The following ZNF16 variants were observed in gnomAD, a reference collection of about 807,000 sequenced individuals.
ZNF16 encodes the protein zinc finger protein 16.
Under a neutral mutation model 9.0 loss-of-function variants are expected in ZNF16, and 7 were observed. That is an observed-to-expected ratio of 0.78 (90% CI 0.44 to 1.47). The LOEUF is 1.47. ZNF16 is among the 40% of genes most tolerant of loss of function. ZNF16 has a pLI of 0.01. For missense variants in ZNF16, 830 were observed against 854.2 expected, an observed-to-expected ratio of 0.97 and a Z score of 0.35; for synonymous variants, 312 against 301.5, an observed-to-expected ratio of 1.03 and a Z score of -0.36.
intron 2 of ZNF16, chr8:144,945,012 G>A (rs1208036664): frequency 6.6e-6 from 1 of 152,126 alleles, no homozygotes; most frequent in African/African-American, 2.4e-5. Flanking sequence ...TGAGCCTAGA[G>A]ATTAGACAGA....
In ZNF16 at chr8:144,950,803, G is replaced by A. The variant is rs530080717; in HGVS notation, c.-16C>T. ...GGAGCTTCGCGGAACTAACCTCAACGGGTCGCGCTTGGAAAGGAGGCAGCA... is the reference window on the plus strand; with the variant it reads ...GGAGCTTCGCGGAACTAACCTCAACAGGTCGCGCTTGGAAAGGAGGCAGCA... On this transcript the variant is annotated 5_prime_UTR_variant, in exon 1 of 3. Transcript: ENST00000394909. 1.4e-4 allele frequency: 22 copies of A among 152,322 alleles called. No homozygotes were observed. Among genetic ancestry groups the A allele is most frequent in the African/African-American group, 5.1e-4 (21 of 41,578 alleles). 9.4% of individuals were successfully genotyped at this position (152,322 alleles called of 1,614,324 possible). A position where few individuals can be genotyped will look rare whatever the true frequency, so the allele number is the denominator to read the frequency against.
intron 1 of ZNF16, among the ~76,000 whole-genome samples, chr8:144,947,016 A>ATTCTGCTGTTGGGCCTGTG (rs1833968403): frequency 4.8e-5 from 2 of 41,566 alleles, no homozygotes; most frequent in African/African-American, 2.4e-4. Context: ...GTGGGCCTGT[A>ATTCTGCTGTTGGGCCTGTG]TCCTGCTGTT....
At chr8:144,945,726 T>G in intron 2 of ZNF16, 1 of 332,114 alleles carries the variant, frequency 3.0e-6, no homozygotes. Flanking sequence ...GCCTGGTTGT[T>G]GAATTGGGAA....
chr8:144,950,435 G>A (rs1194606595), intron 1 of ZNF16: 4 of 152,172 alleles, frequency 2.6e-5, no homozygotes, highest in East Asian at 3.9e-4. Context: ...GGAAGGGCAG[G>A]CCACCCCTTC....
At chr8:144,947,764 T>C (rs1833999668) in intron 1 of ZNF16, among the ~76,000 whole-genome samples, 1 of 152,140 alleles carries the variant, frequency 6.6e-6, no homozygotes, top group African/African-American at 2.4e-5. Context: ...TCAACACCCT[T>C]GTTAAGATTC....
At chr8:144,945,907 CCCTA>C in intron 2 of ZNF16, 100 bp downstream of exon 2, 1 of 1,514,692 alleles carries the variant, frequency 6.6e-7, no homozygotes, top group Non-Finnish European at 8.9e-7. Flanking sequence ...CCGTCACCCT[CCCTA>C]CCTGTGATGA....
intron 2 of ZNF16, among the ~76,000 whole-genome samples, chr8:144,934,813 C>T (rs965423560): frequency 6.6e-6 from 1 of 152,168 alleles, no homozygotes; most frequent in Non-Finnish European, 1.5e-5. Context: ...ACATACATTA[C>T]GGCTGTATGA....
chr8:144,941,862 G>A (rs890469954), intron 2 of ZNF16, among the ~76,000 whole-genome samples: 1 of 150,626 alleles, frequency 6.6e-6, no homozygotes, highest in African/African-American at 2.4e-5. Flanking sequence ...GTTTCACTGT[G>A]TTGGCCAGGA....
intron 2 of ZNF16, chr8:144,944,436 C>G (rs977250369): frequency 7.0e-6 from 1 of 142,088 alleles, no homozygotes; most frequent in Non-Finnish European, 1.5e-5. Flanking sequence ...GGGTTACAGG[C>G]GTGAGCCACC....
intron 1 of ZNF16, among the ~76,000 whole-genome samples, chr8:144,946,597 ATCCTGCTGTTGGGCTTGTGT>A: frequency 1.2e-5 from 1 of 81,662 alleles, no homozygotes; most frequent in African/African-American, 5.0e-5. Context: ...GTGGGTCTGT[ATCCTGCTGTTGGGCTTGTGT>A]CCTGCTGTTG....
chr8:144,933,880 C>A lies in ZNF16; in HGVS notation c.197-1290G>T, dbSNP rs772897290. 4.6e-5 allele frequency among the ~76,000 whole-genome samples: 7 copies of A among 152,152 alleles called. No homozygotes were observed. Among genetic ancestry groups the A allele is most frequent in the Non-Finnish European group, 7.4e-5 (5 of 68,024 alleles). On this transcript the variant is annotated intron_variant, in intron 2 of 2. Transcript: ENST00000394909. The surrounding 1 kb of genome is among the most constrained non-coding windows in gnomAD (Gnocchi z 5.6). ...GCACCCCACCTACTTTCCTTGCCCCCACCCTGGCTGTCACCCACAGCCTGG... is the reference window on the plus strand; with the variant it reads ...GCACCCCACCTACTTTCCTTGCCCCAACCCTGGCTGTCACCCACAGCCTGG...
In ZNF16 at chr8:144,932,133, G is replaced by A. The variant is rs1833566021; in HGVS notation, c.654C>T (p.Phe218=). ...PLICNECGKT[F]QGNPDLIQRQ... ...GCTGAATAAGGTCAGGATTTCCTTG[G>A]AAGGTTTTCCCACACTCATTACATA... The change falls in exon 3 of 3, where the codon TTC becomes TTT. Residue 218 remains phenylalanine, a synonymous_variant. Transcript: ENST00000394909. The surrounding 1 kb of genome is among the most constrained non-coding windows in gnomAD (Gnocchi z 5.0). The A allele has an allele frequency of 4.3e-6, 7 of 1,614,064 alleles. No homozygotes were observed. The highest frequency in any genetic ancestry group is 1.3e-5 in the African/African-American group (1 of 74,934).
intron 2 of ZNF16, among the ~76,000 whole-genome samples, chr8:144,935,463 C>T (rs187250306): frequency 6.6e-6 from 1 of 151,560 alleles, no homozygotes; most frequent in African/African-American, 2.4e-5. Context: ...GCCTCGGCCT[C>T]CCAGACTGCT....
chr8:144,937,349 T>C (rs1833710166), intron 2 of ZNF16, among the ~76,000 whole-genome samples: 1 of 152,060 alleles, frequency 6.6e-6, no homozygotes, highest in Non-Finnish European at 1.5e-5. Flanking sequence ...TTGGCCAGGC[T>C]GGTCTCAAAC....
At chr8:144,949,869 C>A (rs1039758435) in intron 1 of ZNF16, among the ~76,000 whole-genome samples, 37 of 152,166 alleles carry the variant, frequency 2.4e-4, no homozygotes, top group African/African-American at 8.7e-4. Context: ...CCCAGCCCAA[C>A]GCCCGTAAAG....
In ZNF16 at chr8:144,949,870, G is replaced by A. The variant is rs117934506; in HGVS notation, c.-10+927C>T. Among the ~76,000 whole-genome samples, 561 of 152,266 alleles carry A rather than the reference G, an allele frequency of 3.7e-3. 2 individuals carry two copies. The highest frequency in any genetic ancestry group is 0.034 in the Middle Eastern group (10 of 294). The stretch of plus-strand genomic sequence containing the variant: ...AGACCTGACCGTCCCCCAGCCCAAC[G>A]CCCGTAAAGGGTCTGTGTTGAGGTG... On this transcript the variant is annotated intron_variant, in intron 1 of 2. Coordinates refer to ENST00000394909, the MANE Select transcript of ZNF16 (RefSeq NM_006958.3).
chr8:144,945,890 G>A (rs756261398), intron 2 of ZNF16, 121 bp downstream of exon 2: 1 of 1,476,228 alleles, frequency 6.8e-7, no homozygotes, highest in African/African-American at 1.4e-5. Flanking sequence ...CCTTGAGTCA[G>A]AGTACCCCGT....
At chr8:144,949,825 A>G (rs569520137) in intron 1 of ZNF16, among the ~76,000 whole-genome samples, 11 of 152,302 alleles carry the variant, frequency 7.2e-5, no homozygotes, top group Middle Eastern at 3.4e-3. Context: ...AGTCTGAAAT[A>G]TGGCCTCATG....
At chr8:144,950,234 C>T (rs1415512734) in intron 1 of ZNF16, among the ~76,000 whole-genome samples, 4 of 152,202 alleles carry the variant, frequency 2.6e-5, no homozygotes, top group African/African-American at 4.8e-5. Flanking sequence ...CCCTGCTCTC[C>T]TACTGCATTC....
Sources: gnomAD v4.1 joint callset for allele counts (sites outside exome capture counted in the v4.1 genomes callset) on GRCh38, gnomAD v4.1.1 for gene constraint, Gnocchi (gnomAD v3.1) non-coding constraint, MANE v1.5 for transcripts, NCBI Gene and HGNC (gene_info 2026-07-23, HGNC 2026-07-21) for gene names.